RBMS3: variants seen among roughly 807,000 people sequenced by gnomAD.
The protein encoded by RBMS3 is RNA-binding motif, single-stranded-interacting protein 3.
Under a neutral mutation model 66.8 loss-of-function variants are expected in RBMS3, and 27 were observed. The ratio of observed to expected loss-of-function variants is 0.40; its 90% confidence interval spans 0.30 to 0.56. The LOEUF is 0.56. RBMS3 is among the 20% of genes least tolerant of loss of function. The pLI, the probability that RBMS3 is intolerant of heterozygous loss-of-function variation, is 0.40. For synonymous variants in RBMS3, 188 were observed against 183.0 expected (o/e 1.03, Z -0.22); for missense variants, 513 against 549.5 (o/e 0.93, Z 0.66).
chr3:29,884,235 T>TAA, intron 8 of RBMS3, 27 bp downstream of exon 8: 2 of 1,573,072 alleles, frequency 1.3e-6, no homozygotes, highest in Non-Finnish European at 1.7e-6. Context: ...TTCTCTATTT[T>TAA]AATTGTGAAT....
intron 4 of RBMS3, among the ~76,000 whole-genome samples, chr3:29,613,000 C>G (rs2048542755): frequency 6.6e-6 from 1 of 152,112 alleles, no homozygotes; most frequent in South Asian, 2.1e-4. Flanking sequence ...ATGTTCTTCT[C>G]TATCTGCCTT....
chr3:29,983,710 A>G (rs1215242089), intron 12 of RBMS3, among the ~76,000 whole-genome samples: 2 of 151,504 alleles, frequency 1.3e-5, no homozygotes, highest in Non-Finnish European at 2.9e-5. Context: ...CTGGGTAGAA[A>G]ATTCTTTTAA....
In RBMS3 at chr3:29,873,326, A is replaced by C. The variant is rs553713602; in HGVS notation, c.744+4362A>C. On this transcript the variant is annotated intron_variant, in intron 7 of 14. Transcript: ENST00000383767. Reference sequence around the variant, plus strand: ...CACCTCCCTAGTTAGCTGTATTTCTAGGTATTTTATTCTTTTTGTGGCAAT... The same window carrying C: ...CACCTCCCTAGTTAGCTGTATTTCTCGGTATTTTATTCTTTTTGTGGCAAT... Among the ~76,000 whole-genome samples, 8 of 152,108 alleles carry C rather than the reference A, an allele frequency of 5.3e-5. No individual in the cohort carries two copies. In the South Asian group the frequency reaches 1.0e-3, roughly 20 times the overall value.
At chr3:29,718,370 T>A (rs149856842) in intron 4 of RBMS3, among the ~76,000 whole-genome samples, 3 of 151,942 alleles carry the variant, frequency 2.0e-5, no homozygotes, top group African/African-American at 4.8e-5. Flanking sequence ...AAAATTTTAG[T>A]GCATTAAGTT....
At chr3:29,806,681 T>G (rs916842065) in intron 6 of RBMS3, among the ~76,000 whole-genome samples, 1 of 152,004 alleles carries the variant, frequency 6.6e-6, no homozygotes, top group East Asian at 1.9e-4. Flanking sequence ...GAATCCGGCC[T>G]ATTATATCAT....
rs561477286 is a variant in RBMS3 at position 29,902,076 on chromosome 3, A to G, written c.939+2321A>G. Reference sequence around the variant, plus strand: ...TGAATCTGAGAAGAATTAATGAGGAACTTGATGATTAACAACATGGATTCT... The same window carrying G: ...TGAATCTGAGAAGAATTAATGAGGAGCTTGATGATTAACAACATGGATTCT... On this transcript the variant is annotated intron_variant, in intron 10 of 14. Coordinates refer to ENST00000383767, the MANE Select transcript of RBMS3 (RefSeq NM_001003793.3). Among the ~76,000 whole-genome samples the G allele has an allele frequency of 7.8e-4, 119 of 151,972 alleles. 1 individual carries two copies. Among genetic ancestry groups the G allele is most frequent in the Admixed American group, 1.2e-3 (18 of 15,206 alleles).
intron 1 of RBMS3, among the ~76,000 whole-genome samples, chr3:29,380,462 G>A (rs983784693): frequency 6.6e-6 from 1 of 152,126 alleles, no homozygotes; most frequent in Non-Finnish European, 1.5e-5. Context: ...AATCTAAAAT[G>A]TAATGCTTAT....
chr3:29,398,691 A>C (rs961804162), intron 1 of RBMS3, among the ~76,000 whole-genome samples: 2 of 152,168 alleles, frequency 1.3e-5, no homozygotes, highest in Non-Finnish European at 2.9e-5. Flanking sequence ...ATGGCTATGC[A>C]GTGAAATAGT....
intron 1 of RBMS3, among the ~76,000 whole-genome samples, chr3:29,318,942 T>A (rs748249667): frequency 6.6e-6 from 1 of 151,940 alleles, no homozygotes; most frequent in Non-Finnish European, 1.5e-5. Context: ...TACTGAATTT[T>A]GAAGAACAAG....
chr3:29,942,527 GAA>G (rs1412059196), intron 11 of RBMS3, among the ~76,000 whole-genome samples: 2 of 151,390 alleles, frequency 1.3e-5, no homozygotes, highest in African/African-American at 4.9e-5. Flanking sequence ...TGTCGAAAGA[GAA>G]AGAGAGAGAA....
intron 4 of RBMS3, among the ~76,000 whole-genome samples, chr3:29,646,225 G>C (rs769037943): frequency 2.6e-5 from 4 of 152,198 alleles, no homozygotes; most frequent in African/African-American, 7.2e-5. Flanking sequence ...GACAGTACAA[G>C]TATAGAAAAT....
intron 2 of RBMS3, among the ~76,000 whole-genome samples, chr3:29,440,323 C>A (rs894513219): frequency 6.6e-6 from 1 of 152,106 alleles, no homozygotes; most frequent in East Asian, 1.9e-4. Flanking sequence ...CCCCCACTTT[C>A]CTGTGATTGA....
At chr3:29,683,367 G>T (rs1242184274) in intron 4 of RBMS3, among the ~76,000 whole-genome samples, 1 of 152,152 alleles carries the variant, frequency 6.6e-6, no homozygotes, top group Non-Finnish European at 1.5e-5. Context: ...TAGAGTGTGA[G>T]TTTATTTCAC....
chr3:29,625,739 A>AATGAATAT, intron 4 of RBMS3, among the ~76,000 whole-genome samples: 2 of 150,202 alleles, frequency 1.3e-5, no homozygotes, highest in African/African-American at 4.9e-5. Context: ...TAAATAAATA[A>AATGAATAT]AAATAATCTT....
intron 10 of RBMS3, among the ~76,000 whole-genome samples, chr3:29,904,608 A>T (rs909289670): frequency 6.6e-6 from 1 of 152,036 alleles, no homozygotes; most frequent in African/African-American, 2.4e-5. Flanking sequence ...CGTCTGTCAG[A>T]TAAGTTGCTG....
intron 1 of RBMS3, among the ~76,000 whole-genome samples, chr3:29,293,879 CT>C (rs202019120): frequency 4.0e-4 from 58 of 143,570 alleles, no homozygotes; most frequent in East Asian, 1.6e-3. Flanking sequence ...TCAGTCTTTT[CT>C]TTTTTTTTTT....
intron 6 of RBMS3, among the ~76,000 whole-genome samples, chr3:29,854,879 TC>T (rs1342505691): frequency 6.6e-6 from 1 of 152,202 alleles, no homozygotes; most frequent in Non-Finnish European, 1.5e-5. Context: ...CTTTGAACTC[TC>T]TTCAATTCTA....
chr3:29,549,070 T>TG (rs2046088042), intron 3 of RBMS3, among the ~76,000 whole-genome samples: 1 of 149,106 alleles, frequency 6.7e-6, no homozygotes, highest in African/African-American at 2.5e-5. Flanking sequence ...TTTTTTTTTT[T>TG]TTTTTTTTTT....
intron 1 of RBMS3, among the ~76,000 whole-genome samples, chr3:29,311,253 A>G (rs908193019): frequency 6.6e-6 from 1 of 151,772 alleles, no homozygotes; most frequent in African/African-American, 2.4e-5. Context: ...TGGCAGGAGA[A>G]TATCATTCTC....
Sources: gnomAD v4.1 joint callset for allele counts (sites outside exome capture counted in the v4.1 genomes callset) on GRCh38, gnomAD v4.1.1 for gene constraint, MANE v1.5 for transcripts, NCBI Gene and HGNC (gene_info 2026-07-23, HGNC 2026-07-21) for gene names.